Variants in PCDHGA12 observed in about 807,000 individuals in gnomAD.
PCDHGA12 encodes the protein protocadherin gamma-A12.
Under a neutral mutation model 61.1 loss-of-function variants are expected in PCDHGA12, and 43 were observed. The ratio of observed to expected loss-of-function variants is 0.70; its 90% confidence interval spans 0.55 to 0.91. The LOEUF (loss-of-function observed/expected upper bound fraction) is 0.91, where lower values mean the gene tolerates loss of function less well. Ranked by LOEUF, PCDHGA12 falls within the 40% of genes least tolerant of loss-of-function variation. The probability of loss-of-function intolerance (pLI) is 0.00; values close to 1 mark genes in which losing one functional copy is unlikely to be tolerated. For synonymous variants in PCDHGA12, 520 were observed against 542.9 expected (o/e 0.96, Z 0.59); for missense variants, 1,236 against 1,227.7 (o/e 1.01, Z -0.10).
chr5:141,446,353 T>C (rs1278613929), intron 1 of PCDHGA12, among the ~76,000 whole-genome samples: 2 of 152,176 alleles, frequency 1.3e-5, no homozygotes, highest in Non-Finnish European at 2.9e-5. Flanking sequence ...AAGCTACCAT[T>C]TGATGAGAAT....
intron 1 of PCDHGA12, chr5:141,439,852 G>A (rs182049678): frequency 1.3e-5 from 2 of 152,474 alleles, no homozygotes; most frequent in African/African-American, 4.8e-5. Context: ...CTGTGGAAAA[G>A]GTGGGGAATG....
Position 141,487,781 on chromosome 5 carries a change from G to T in PCDHGA12, c.2425-7026G>T. ...AGACGCTGTGCTTTGTAACTGTTTC[G>T]TGAATTAACCAGAGTTGTCACAGTT... On this transcript the variant is annotated intron_variant, in intron 1 of 3. Transcript: ENST00000252085. This position sits in a 1 kb window ranked among gnomAD's most constrained non-coding sequence, Gnocchi z 5.0. 2 of 1,526,850 alleles carry T rather than the reference G, an allele frequency of 1.3e-6. No homozygotes were observed. The highest frequency in any genetic ancestry group is 8.8e-7 in the Non-Finnish European group (1 of 1,130,880). The allele number at this position is 1,526,850 out of a possible 1,614,324, so 94.6% of individuals were successfully genotyped here. A position where few individuals can be genotyped will look rare whatever the true frequency, so the allele number is the denominator to read the frequency against.
intron 1 of PCDHGA12, among the ~76,000 whole-genome samples, chr5:141,446,411 G>A (rs778985047): frequency 1.3e-5 from 2 of 152,086 alleles, no homozygotes; most frequent in Non-Finnish European, 2.9e-5. Flanking sequence ...TTGAGTTCCA[G>A]CCATGTTCAT....
chr5:141,443,317 C>CAAA (rs35054295), intron 1 of PCDHGA12, among the ~76,000 whole-genome samples: 8 of 142,020 alleles, frequency 5.6e-5, no homozygotes, highest in African/African-American at 2.1e-4. Context: ...CCCATCTCTA[C>CAAA]AAAAAAAAAA....
At chr5:141,474,834 A>G (rs557557147) in intron 1 of PCDHGA12, among the ~76,000 whole-genome samples, 4 of 152,380 alleles carry the variant, frequency 2.6e-5, no homozygotes, top group South Asian at 4.1e-4. Context: ...ACTCTGTGCC[A>G]GGCACTTTAC....
In PCDHGA12 at chr5:141,476,477, G is replaced by T. The variant is rs768824553; in HGVS notation, c.2425-18330G>T. The T allele has an allele frequency of 1.9e-6, 3 of 1,614,078 alleles. No homozygotes were observed. The highest frequency in any genetic ancestry group is 1.7e-5 in the Admixed American group (1 of 60,016). Reference sequence around the variant, plus strand: ...GGAGAACCCGCTGGAGCTGTTCAGCGTGGAAGTGGTGATCCAGGACATCAA... The same window carrying T: ...GGAGAACCCGCTGGAGCTGTTCAGCTTGGAAGTGGTGATCCAGGACATCAA... On this transcript the variant is annotated intron_variant, in intron 1 of 3. Coordinates refer to ENST00000252085, the MANE Select transcript of PCDHGA12 (RefSeq NM_003735.3). This position sits in a 1 kb window ranked among gnomAD's most constrained non-coding sequence, Gnocchi z 7.6.
intron 1 of PCDHGA12, among the ~76,000 whole-genome samples, chr5:141,439,635 C>T (rs1326926948): frequency 3.3e-5 from 5 of 152,274 alleles, no homozygotes; most frequent in Middle Eastern, 3.4e-3. Context: ...CCAGACATTC[C>T]GGCTTGGTGG....
rs142995927 is a variant in PCDHGA12, at chr5:141,489,933, C to T, written c.2425-4874C>T. 38 of 1,614,064 alleles carry T rather than the reference C, an allele frequency of 2.4e-5. No homozygotes were observed. The highest frequency in any genetic ancestry group is 1.8e-4 in the South Asian group (16 of 91,084). On this transcript the variant is annotated intron_variant, in intron 1 of 3. Transcript: ENST00000252085. This position sits in a 1 kb window ranked among gnomAD's most constrained non-coding sequence, Gnocchi z 4.5. ...CAGGGACCACCCTTATCTCTGTCAT[C>T]GTGCTGGACATCAATGATAATGCTC...
Position 141,491,755 on chromosome 5 carries a change from G to A in PCDHGA12, c.2425-3052G>A. On this transcript the variant is annotated intron_variant, in intron 1 of 3. Transcript: ENST00000252085. This position sits in a 1 kb window ranked among gnomAD's most constrained non-coding sequence, Gnocchi z 6.9. Reference sequence around the variant, plus strand: ...CCCTGGGGGCGGCACTGGAGAAGCCGCCCGTCCTCATAAGGGATTGAACTT... The same window carrying A: ...CCCTGGGGGCGGCACTGGAGAAGCCACCCGTCCTCATAAGGGATTGAACTT... 6 of 1,582,196 alleles carry A rather than the reference G, an allele frequency of 3.8e-6. No individual in the cohort carries two copies. The highest frequency in any genetic ancestry group is 5.1e-6 in the Non-Finnish European group (6 of 1,165,450).
In PCDHGA12 at chr5:141,477,877, C is replaced by A; in HGVS notation, c.2425-16930C>A. 1 of 1,614,170 alleles carries A rather than the reference C, an allele frequency of 6.2e-7. No homozygotes were observed. The highest frequency in any genetic ancestry group is 8.5e-7 in the Non-Finnish European group (1 of 1,180,036). On this transcript the variant is annotated intron_variant, in intron 1 of 3. Transcript: ENST00000252085. This position sits in a 1 kb window ranked among gnomAD's most constrained non-coding sequence, Gnocchi z 4.9. The stretch of plus-strand genomic sequence containing the variant: ...TGCTGCCTCGAGGTACCTCAGCTGG[C>A]CACCTAGTGTCACGGGTGGTAGGCT...
rs1417754081 is a variant in PCDHGA12, at chr5:141,512,046, T to C, written c.*873T>C. 1 of 152,746 alleles carries C rather than the reference T, an allele frequency of 6.5e-6. No individual in the cohort carries two copies. Among genetic ancestry groups the C allele is most frequent in the East Asian group, 1.9e-4 (1 of 5,190 alleles). 9.5% of individuals were successfully genotyped at this position (152,746 alleles called of 1,614,324 possible). Reference sequence around the variant, plus strand: ...GCCTTGGAGGAGGCTCTGTATGTCCTCAGGGGACTGACAACATCCTCCAGA... The same window carrying C: ...GCCTTGGAGGAGGCTCTGTATGTCCCCAGGGGACTGACAACATCCTCCAGA... On this transcript the variant is annotated 3_prime_UTR_variant, in exon 4 of 4. Transcript: ENST00000252085.
In PCDHGA12 at chr5:141,432,399, C is replaced by T. The variant is rs2097496727; in HGVS notation, c.1640C>T (p.Ser547Leu). ...NGHPPLSSNV[S>L]LSLFVLDQND... ...CACCCGCCCCTCAGCAGCAACGTGT[C>T]GTTGAGCCTGTTCGTGCTGGACCAG... is the stretch of plus-strand genomic sequence containing the variant. Residue 547 changes from serine (S) to leucine (L), a missense_variant, in exon 1 of 4, where the codon TCG (serine) becomes TTG (leucine). Coordinates refer to ENST00000252085, the MANE Select transcript of PCDHGA12 (RefSeq NM_003735.3). This position sits in a 1 kb window ranked among gnomAD's most constrained non-coding sequence, Gnocchi z 6.0. 1.2e-6 allele frequency: 2 copies of T among 1,614,240 alleles called. No homozygotes were observed. Among genetic ancestry groups the T allele is most frequent in the Non-Finnish European group, 1.7e-6 (2 of 1,180,040 alleles).
intron 1 of PCDHGA12, among the ~76,000 whole-genome samples, chr5:141,433,553 T>C (rs530467777): frequency 1.3e-5 from 2 of 151,614 alleles, no homozygotes; most frequent in African/African-American, 4.8e-5. Flanking sequence ...TATTCTTTTC[T>C]GGCTGGGCGC....
Position 141,431,605 on chromosome 5 carries a change from G to A in PCDHGA12, c.846G>A (p.Arg282=). ...GVNAEVRYSF[R]YVDDKAAQVF... ...ATGCGGAAGTGAGGTATTCCTTCCGGTATGTGGACGACAAGGCGGCCCAAG... is the reference window on the plus strand; with the variant it reads ...ATGCGGAAGTGAGGTATTCCTTCCGATATGTGGACGACAAGGCGGCCCAAG... The change falls in exon 1 of 4, where the codon CGG becomes CGA. Residue 282 remains arginine, a synonymous_variant. Transcript: ENST00000252085. This position sits in a 1 kb window ranked among gnomAD's most constrained non-coding sequence, Gnocchi z 4.8. 2 of 1,614,236 alleles carry A rather than the reference G, an allele frequency of 1.2e-6. No individual in the cohort carries two copies. The highest frequency in any genetic ancestry group is 1.7e-6 in the Non-Finnish European group (2 of 1,180,044).
rs193229261 is a variant in PCDHGA12, at chr5:141,446,714, G to A, written c.2424+13531G>A. ...GCTGGTCTCGAACTCTGATCTGCCCGCCTCGGCCTCCCAAAGTGTGGGGAT... is the reference window on the plus strand; with the variant it reads ...GCTGGTCTCGAACTCTGATCTGCCCACCTCGGCCTCCCAAAGTGTGGGGAT... On this transcript the variant is annotated intron_variant, in intron 1 of 3. Transcript: ENST00000252085. Among the ~76,000 whole-genome samples the A allele has an allele frequency of 3.3e-3, 497 of 152,154 alleles. 2 individuals are homozygous for A. Among genetic ancestry groups the A allele is most frequent in the African/African-American group, 0.011 (450 of 41,528 alleles).
At position 141,477,177 on chromosome 5, in the gene PCDHGA12, T is replaced by C; in HGVS notation, c.2425-17630T>C. The C allele has an allele frequency of 6.2e-7, 1 of 1,614,160 alleles. No individual in the cohort carries two copies. On this transcript the variant is annotated intron_variant, in intron 1 of 3. Coordinates refer to ENST00000252085, the MANE Select transcript of PCDHGA12 (RefSeq NM_003735.3). This position sits in a 1 kb window ranked among gnomAD's most constrained non-coding sequence, Gnocchi z 4.9. Reference sequence around the variant, plus strand: ...AATGACAACGCCCCGGAGATCACAGTCACCTCCGTGTACAGCCCAGTACCC... The same window carrying C: ...AATGACAACGCCCCGGAGATCACAGCCACCTCCGTGTACAGCCCAGTACCC...
At position 141,432,065 on chromosome 5, in the gene PCDHGA12, AC is replaced by A; in HGVS notation, c.1307del (p.Thr436IlefsTer5). 1.2e-6 allele frequency: 2 copies of A among 1,614,048 alleles called. No homozygotes were observed. The highest frequency in any genetic ancestry group is 1.7e-6 in the Non-Finnish European group (2 of 1,180,006). On this transcript the variant is annotated frameshift_variant, in exon 1 of 4. Transcript: ENST00000252085. LOFTEE classifies it high-confidence loss of function. The surrounding 1 kb of genome is among the most constrained non-coding windows in gnomAD (Gnocchi z 6.0). ...GGGAACCCCGCCCCTATCCACGGAA[AC>A]TCATATCTCGCTGAACGTGGCAGAC... ...DRGTPPLSTE[T>X]HISLNVADTN... is the part of the protein sequence containing the mutation.
intron 2 of PCDHGA12, among the ~76,000 whole-genome samples, chr5:141,497,264 A>G (rs2154592078): frequency 6.6e-6 from 1 of 152,258 alleles, no homozygotes; most frequent in East Asian, 1.9e-4. Flanking sequence ...GAGAAGTTCT[A>G]GGCCATTTAT....
chr5:141,455,343 G>T (rs1462807460), intron 1 of PCDHGA12, among the ~76,000 whole-genome samples: 1 of 152,036 alleles, frequency 6.6e-6, no homozygotes, highest in Non-Finnish European at 1.5e-5. Flanking sequence ...TTTAAGGAGC[G>T]GAGAGTTTAA....
Sources: gnomAD v4.1 joint callset for allele counts (sites outside exome capture counted in the v4.1 genomes callset) on GRCh38, gnomAD v4.1.1 for gene constraint, Gnocchi (gnomAD v3.1) non-coding constraint, MANE v1.5 for transcripts, NCBI Gene and HGNC (gene_info 2026-07-23, HGNC 2026-07-21) for gene names.